Variants in FAAH2 observed in about 807,000 individuals in gnomAD.
FAAH2 encodes fatty acid amide hydrolase 2.
Under a neutral mutation model 36.9 loss-of-function variants are expected in FAAH2, and 60 were observed. That is an observed-to-expected ratio of 1.63 (90% CI 1.32 to 2.02). FAAH2 has a LOEUF of 2.02. Among genes scored for constraint, FAAH2 ranks in the 30% most tolerant of loss-of-function variants. FAAH2 has a pLI of 0.00. For missense variants in FAAH2, 689 were observed against 397.5 expected (o/e 1.73, Z -6.23); for synonymous variants, 214 against 143.8 (o/e 1.49, Z -3.49).
chrX:57,458,728 G>A (rs754791441), intron 10 of FAAH2, among the ~76,000 whole-genome samples: 15 of 111,823 alleles, frequency 1.3e-4, no homozygotes, highest in African/African-American at 4.5e-4. Context: ...GGAAGTGCAA[G>A]GAGTGGGGGC....
chrX:57,292,669 C>T, intron 2 of FAAH2, 89 bp downstream of exon 2: 1 of 712,985 alleles, frequency 1.4e-6, no homozygotes. Context: ...TTCCTAGATT[C>T]TTCTTTCTCT....
chrX:57,469,100 A>C (rs1303883273), intron 10 of FAAH2, among the ~76,000 whole-genome samples: 2 of 112,128 alleles, frequency 1.8e-5, no homozygotes, highest in African/African-American at 6.5e-5. Context: ...TGAAGGAAGC[A>C]CTAAACATGG....
At chrX:57,170,534 AC>A in the FAAH2 span, among the ~76,000 whole-genome samples, 1 of 111,236 alleles carries the variant, frequency 9.0e-6, no homozygotes, top group East Asian at 2.8e-4. Context: ...TGCACCTGTC[AC>A]CCGAGTACTG....
chrX:57,425,835 C>T (rs2056148838), intron 7 of FAAH2, among the ~76,000 whole-genome samples: 1 of 76,509 alleles, frequency 1.3e-5, no homozygotes, highest in Non-Finnish European at 2.6e-5. Context: ...AGGAACAAAA[C>T]GTGACACATC....
intron 5 of FAAH2, among the ~76,000 whole-genome samples, chrX:57,368,888 C>A (rs949000325): frequency 9.1e-6 from 1 of 110,109 alleles, no homozygotes; most frequent in African/African-American, 3.3e-5. Context: ...ATGGAAATTT[C>A]TAATTTTTTT....
chrX:57,121,966 T>A, the FAAH2 span: 1 of 111,353 alleles, frequency 9.0e-6, no homozygotes, highest in African/African-American at 3.3e-5. Context: ...AAATTCACTA[T>A]GGTAAGTCTG....
intron 9 of FAAH2, among the ~76,000 whole-genome samples, chrX:57,448,264 C>A (rs1475263191): frequency 8.9e-6 from 1 of 112,348 alleles, no homozygotes; most frequent in Non-Finnish European, 1.9e-5. Context: ...AGCCACCATG[C>A]TCAGCTATAA....
At chrX:57,380,687 G>C (rs1569304993) in intron 6 of FAAH2, among the ~76,000 whole-genome samples, 1 of 111,759 alleles carries the variant, frequency 8.9e-6, no homozygotes, top group African/African-American at 3.2e-5. Flanking sequence ...ATTTTGACTT[G>C]TCACCACGTC....
At chrX:57,138,306 A>G in the FAAH2 span, among the ~76,000 whole-genome samples, 1 of 111,660 alleles carries the variant, frequency 9.0e-6, no homozygotes, top group South Asian at 3.7e-4. Context: ...TTTCAGTTAC[A>G]TGTTGTAGGA....
chrX:57,189,844 C>T, the FAAH2 span, among the ~76,000 whole-genome samples: 1 of 112,250 alleles, frequency 8.9e-6, no homozygotes, highest in Admixed American at 9.4e-5. Flanking sequence ...GGAGGTTTCT[C>T]TCAGTCAGGA....
At chrX:57,181,122 C>A in the FAAH2 span, among the ~76,000 whole-genome samples, 12 of 111,628 alleles carry the variant, frequency 1.1e-4, no homozygotes, top group Admixed American at 1.9e-4. Flanking sequence ...TTTGAAGGAA[C>A]ATACCTCAAA....
chrX:57,248,519 G>A, the FAAH2 span, among the ~76,000 whole-genome samples: 5 of 110,354 alleles, frequency 4.5e-5, no homozygotes, highest in South Asian at 3.8e-4. Flanking sequence ...TTTGGGAGGC[G>A]GAGGCGGGTG....
intron 2 of FAAH2, among the ~76,000 whole-genome samples, chrX:57,296,218 A>T (rs985558852): frequency 9.0e-6 from 1 of 111,549 alleles, no homozygotes; most frequent in African/African-American, 3.3e-5. Context: ...GGCCAGACTG[A>T]CACCTCACAT....
At chrX:57,327,034 G>C (rs2053238903) in intron 3 of FAAH2, among the ~76,000 whole-genome samples, 1 of 108,581 alleles carries the variant, frequency 9.2e-6, no homozygotes, top group Non-Finnish European at 1.9e-5. Flanking sequence ...GGGCATGCCT[G>C]GTGGTAACAA....
At chrX:57,129,930 T>C in the FAAH2 span, among the ~76,000 whole-genome samples, 1 of 112,346 alleles carries the variant, frequency 8.9e-6, no homozygotes, top group Non-Finnish European at 1.9e-5. Context: ...TTTGCTATGA[T>C]TTTGTAGTGC....
chrX:57,357,327 G>T (rs1273884637), intron 5 of FAAH2, among the ~76,000 whole-genome samples: 1 of 111,431 alleles, frequency 9.0e-6, no homozygotes, highest in Non-Finnish European at 1.9e-5. Context: ...AGCCTAAATT[G>T]ACAAATGGGA....
At chrX:57,387,704 T>C (rs1263707300) in intron 7 of FAAH2, among the ~76,000 whole-genome samples, 2 of 111,762 alleles carry the variant, frequency 1.8e-5, no homozygotes, top group Non-Finnish European at 3.8e-5. Context: ...TTTTATAAAG[T>C]TCCTAGGCAC....
At chrX:57,431,763 G>GTTTTTTTT (rs200270868) in intron 7 of FAAH2, among the ~76,000 whole-genome samples, 155 bp from the exon 8 acceptor site, 25 of 13,671 alleles carry the variant, frequency 1.8e-3, no homozygotes, top group African/African-American at 2.1e-3. Flanking sequence ...TTTTGTTTTT[G>GTTTTTTTT]TTTTTTTGTT....
intron 6 of FAAH2, among the ~76,000 whole-genome samples, chrX:57,379,807 C>T (rs1023992055): frequency 6.7e-5 from 3 of 44,445 alleles, no homozygotes; most frequent in African/African-American, 1.7e-4. Flanking sequence ...TTGCCAAAGT[C>T]CCTGAATTTT....
Sources: allele counts gnomAD v4.1 joint callset (sites outside exome capture counted in the v4.1 genomes callset), GRCh38; gene constraint gnomAD v4.1.1; transcripts MANE v1.5; gene names NCBI Gene and HGNC (gene_info 2026-07-23, HGNC 2026-07-21).